The following DISP1 variants were observed in gnomAD, a reference collection of about 807,000 sequenced individuals.
DISP1 encodes protein dispatched homolog 1.
In DISP1, 30 loss-of-function variants were observed where a neutral mutation model predicts 37.3. The observed-to-expected ratio is 0.80, with a 90% CI of 0.60 to 1.09. The LOEUF (loss-of-function observed/expected upper bound fraction) is 1.09, where lower values mean the gene tolerates loss of function less well. Ranked by LOEUF, DISP1 falls within the 50% of genes least tolerant of loss-of-function variation. The pLI is 0.00. For missense variants in DISP1, 1,598 were observed against 1,879.5 expected (o/e 0.85, Z 2.77); for synonymous variants, 634 against 690.2 (o/e 0.92, Z 1.28).
chr1:222,936,412 T>G (rs1673726430), intron 2 of DISP1, among the ~76,000 whole-genome samples: 1 of 151,626 alleles, frequency 6.6e-6, no homozygotes, highest in South Asian at 2.1e-4. Context: ...TCCATTTATT[T>G]TATAGTTGTA....
intron 4 of DISP1, among the ~76,000 whole-genome samples, chr1:222,985,617 T>G (rs188313110): frequency 3.7e-4 from 57 of 152,120 alleles, no homozygotes; most frequent in African/African-American, 1.3e-3. Flanking sequence ...GCCACTGCAC[T>G]CTAGCCTGGG....
At chr1:222,874,076 T>C (rs1353725888) in intron 1 of DISP1, among the ~76,000 whole-genome samples, 1 of 152,242 alleles carries the variant, frequency 6.6e-6, no homozygotes, top group Admixed American at 6.5e-5. Context: ...GAAAATTCTT[T>C]TCTTTAAGAA....
chr1:222,982,464 C>T (rs1277883198), intron 3 of DISP1, among the ~76,000 whole-genome samples: 2 of 152,108 alleles, frequency 1.3e-5, no homozygotes, highest in Admixed American at 1.3e-4. Context: ...TTTGGAGTTT[C>T]TTTAGCAAAC....
At chr1:222,819,351 A>T (rs553903030) in intron 1 of DISP1, among the ~76,000 whole-genome samples, 3 of 152,156 alleles carry the variant, frequency 2.0e-5, no homozygotes, top group Non-Finnish European at 4.4e-5. Flanking sequence ...GGACTAATAA[A>T]AGTATCAAAA....
chr1:222,821,164 C>T lies in DISP1; in HGVS notation c.-159+6086C>T, dbSNP rs536814451. Reference sequence around the variant, plus strand: ...TTTGGCTGTATTTCATTGCAGATTCCATCTCTTCAAACTGAAGTGATGTTC... The same window carrying T: ...TTTGGCTGTATTTCATTGCAGATTCTATCTCTTCAAACTGAAGTGATGTTC... On this transcript the variant is annotated intron_variant, in intron 1 of 8. Transcript: ENST00000675850. 2.0e-4 allele frequency among the ~76,000 whole-genome samples: 31 copies of T among 152,226 alleles called. 1 individual carries two copies. The highest frequency in any genetic ancestry group is 3.4e-3 in the Middle Eastern group (1 of 294).
chr1:222,901,513 GTTTGTTTT>G (rs1257841502), intron 1 of DISP1, among the ~76,000 whole-genome samples: 11 of 151,590 alleles, frequency 7.3e-5, no homozygotes, highest in African/African-American at 2.7e-4. Context: ...TTGTTTGTTT[GTTTGTTTT>G]TTTGTTTGTT....
intron 3 of DISP1, among the ~76,000 whole-genome samples, chr1:222,957,520 T>A (rs926702965): frequency 2.0e-5 from 3 of 151,884 alleles, no homozygotes; most frequent in African/African-American, 7.3e-5. Context: ...ACCCAGGAGG[T>A]GGAGGTTGCA....
chr1:222,992,006 A>G lies in DISP1; in HGVS notation c.792-7A>G. 6.2e-7 allele frequency: 1 copy of G among 1,608,240 alleles called. No individual in the cohort carries two copies. The highest frequency in any genetic ancestry group is 8.5e-7 in the Non-Finnish European group (1 of 1,174,764). ...TTATTGAAGATCAAATTGTCGTTCC[A>G]TTTCAGCCATCGGGATGATAGATGG... On this transcript the variant is annotated splice_region_variant and splice_polypyrimidine_tract_variant and intron_variant, in intron 6 of 8. Coordinates refer to ENST00000675850, the MANE Select transcript of DISP1 (RefSeq NM_001377229.1).
At chr1:222,840,724 GGCTA>G (rs77473841) in intron 1 of DISP1, among the ~76,000 whole-genome samples, 2 of 151,218 alleles carry the variant, frequency 1.3e-5, no homozygotes, top group African/African-American at 2.4e-5. Flanking sequence ...CACCACACCC[GGCTA>G]ATTTTTTGTA....
chr1:222,905,230 C>T (rs1189025069), intron 1 of DISP1, among the ~76,000 whole-genome samples: 2 of 152,024 alleles, frequency 1.3e-5, no homozygotes, highest in East Asian at 1.9e-4. Flanking sequence ...AATGTTAGTT[C>T]TAAATCAGAC....
intron 3 of DISP1, among the ~76,000 whole-genome samples, chr1:222,956,869 T>G (rs2102569025): frequency 6.6e-6 from 1 of 152,238 alleles, no homozygotes; most frequent in African/African-American, 2.4e-5. Context: ...TATTATACTC[T>G]TATTAAGCAT....
At chr1:222,899,729 C>G (rs1647979777) in intron 1 of DISP1, 1 of 152,244 alleles carries the variant, frequency 6.6e-6, no homozygotes, top group South Asian at 2.1e-4. Flanking sequence ...CAGTCGTGAG[C>G]TACCACACCC....
intron 1 of DISP1, among the ~76,000 whole-genome samples, chr1:222,817,695 G>A (rs550025781): frequency 1.2e-4 from 19 of 152,170 alleles, no homozygotes; most frequent in Non-Finnish European, 2.4e-4. Flanking sequence ...AATACTTTCT[G>A]TCCTTTTCCT....
chr1:222,838,617 A>AG (rs1667398476), intron 1 of DISP1, among the ~76,000 whole-genome samples: 1 of 151,528 alleles, frequency 6.6e-6, no homozygotes, highest in Admixed American at 6.6e-5. Context: ...AGAAAAAAAA[A>AG]TTAGCTGGGC....
chr1:223,001,933 C>T (rs552138174), intron 8 of DISP1, among the ~76,000 whole-genome samples: 4 of 152,138 alleles, frequency 2.6e-5, no homozygotes, highest in Admixed American at 6.5e-5. Flanking sequence ...ATGCTGATAA[C>T]CAGAATTTTA....
At chr1:222,918,693 T>A (rs1672633052) in intron 1 of DISP1, among the ~76,000 whole-genome samples, 1 of 152,296 alleles carries the variant, frequency 6.6e-6, no homozygotes, top group East Asian at 1.9e-4. Flanking sequence ...TGGTGATAGA[T>A]CTTGAGGATT....
At chr1:222,992,784 A>G (rs1333135737) in intron 7 of DISP1, among the ~76,000 whole-genome samples, 1 of 152,220 alleles carries the variant, frequency 6.6e-6, no homozygotes, top group Non-Finnish European at 1.5e-5. Context: ...ATCGGCTGCT[A>G]CTTAGCCGCG....
chr1:222,961,443 T>A (rs1676047673), intron 3 of DISP1, among the ~76,000 whole-genome samples: 1 of 152,154 alleles, frequency 6.6e-6, no homozygotes, highest in Non-Finnish European at 1.5e-5. Flanking sequence ...AAATTCTCAA[T>A]AAACTAGGTA....
At chr1:222,853,986 A>G (rs1438645832) in intron 1 of DISP1, among the ~76,000 whole-genome samples, 4 of 152,228 alleles carry the variant, frequency 2.6e-5, no homozygotes, top group Non-Finnish European at 5.9e-5. Context: ...AAACATTACC[A>G]TGTACCCCAT....
Sources: gnomAD v4.1 joint callset for allele counts (sites outside exome capture counted in the v4.1 genomes callset) on GRCh38, gnomAD v4.1.1 for gene constraint, MANE v1.5 for transcripts, NCBI Gene and HGNC (gene_info 2026-07-23, HGNC 2026-07-21) for gene names.